GALNT18: variants seen among roughly 807,000 people sequenced by gnomAD.
GALNT18 encodes the protein polypeptide N-acetylgalactosaminyltransferase 18.
A neutral mutation model predicts 69.5 loss-of-function variants in GALNT18; 44 were observed. The observed-to-expected ratio is 0.63, with a 90% CI of 0.50 to 0.81. GALNT18 has a LOEUF of 0.81. Ranked by LOEUF, GALNT18 falls within the 40% of genes least tolerant of loss-of-function variation. GALNT18 has a pLI of 0.00. For missense variants in GALNT18, 715 were observed against 810.0 expected, an observed-to-expected ratio of 0.88 and a Z score of 1.42; for synonymous variants, 364 against 318.2, an observed-to-expected ratio of 1.14 and a Z score of -1.53.
chr11:11,461,597 C>G lies in GALNT18; in HGVS notation c.236-12661G>C, dbSNP rs979955605. Among the ~76,000 whole-genome samples, 1 of 152,220 alleles carries G rather than the reference C, an allele frequency of 6.6e-6. No homozygotes were observed. The highest frequency in any genetic ancestry group is 1.5e-5 in the Non-Finnish European group (1 of 68,044). ...CCGCCACCGAGCTGACAGCCCGGAG[C>G]TGACACCCGGACTTCTAAATATACA... On this transcript the variant is annotated intron_variant, in intron 1 of 10. Transcript: ENST00000227756. This position sits in a 1 kb window ranked among gnomAD's most constrained non-coding sequence, Gnocchi z 4.1.
Position 11,315,161 on chromosome 11 carries a change from G to A in GALNT18, c.1512+11925C>T, listed in dbSNP as rs774542582. Among the ~76,000 whole-genome samples the A allele has an allele frequency of 1.3e-5, 2 of 151,954 alleles. No individual in the cohort carries two copies. The highest frequency in any genetic ancestry group is 2.9e-5 in the Non-Finnish European group (2 of 68,002). On this transcript the variant is annotated intron_variant, in intron 9 of 10. Transcript: ENST00000227756. The surrounding 1 kb of genome is among the most constrained non-coding windows in gnomAD (Gnocchi z 5.6). ...AAAACAATATAACCCACAGTTAAAT[G>A]GTATTTCCTATGAACTAAGCTTTAA...
chr11:11,544,600 G>A (rs372714819), intron 1 of GALNT18, among the ~76,000 whole-genome samples: 2 of 152,286 alleles, frequency 1.3e-5, no homozygotes, highest in East Asian at 3.9e-4. Context: ...GAATGTGCAG[G>A]TTTGTTACAT....
chr11:11,452,670 G>A (rs889002039), intron 1 of GALNT18, among the ~76,000 whole-genome samples: 4 of 152,324 alleles, frequency 2.6e-5, no homozygotes, highest in African/African-American at 9.6e-5. Flanking sequence ...GACATAAGGG[G>A]GACAGGCAAA....
At position 11,358,772 on chromosome 11, in the gene GALNT18, T is replaced by A. The variant is rs1472235734; in HGVS notation, c.1092+13743A>T. On this transcript the variant is annotated intron_variant, in intron 6 of 10. Transcript: ENST00000227756. The stretch of plus-strand genomic sequence containing the variant: ...AGGATAATGCTAAAGGGATTCCAAT[T>A]CATGACACAATGATACAAAACAGTG... 1.5e-5 allele frequency among the ~76,000 whole-genome samples: 2 copies of A among 132,398 alleles called. 1 individual carries two copies. The highest frequency in any genetic ancestry group is 3.3e-5 in the Non-Finnish European group (2 of 60,276). The allele number at this position is 132,398 out of a possible 152,430, so 86.9% of individuals were successfully genotyped here.
intron 1 of GALNT18, among the ~76,000 whole-genome samples, chr11:11,522,491 G>C (rs1019839158): frequency 2.0e-5 from 3 of 152,130 alleles, no homozygotes; most frequent in Non-Finnish European, 4.4e-5. Flanking sequence ...GACAAGAGAT[G>C]AAGAATCATG....
At position 11,303,461 on chromosome 11, in the gene GALNT18, G is replaced by A. The variant is rs1849530511; in HGVS notation, c.1513-10268C>T. On this transcript the variant is annotated intron_variant, in intron 9 of 10. Coordinates refer to ENST00000227756, the MANE Select transcript of GALNT18 (RefSeq NM_198516.3). ...TACTTGTCACAAACCCTTGTCTCAG[G>A]ATCTGCTTCTAGAGAAACCTGACTC... Among the ~76,000 whole-genome samples, 2 of 152,122 alleles carry A rather than the reference G, an allele frequency of 1.3e-5. 1 individual carries two copies. Among genetic ancestry groups the A allele is most frequent in the South Asian group, 4.2e-4 (2 of 4,814 alleles).
rs374776856 is a variant in GALNT18 at position 11,421,319 on chromosome 11, G to A, written c.595+11302C>T. On this transcript the variant is annotated intron_variant, in intron 3 of 10. Transcript: ENST00000227756. This position sits in a 1 kb window ranked among gnomAD's most constrained non-coding sequence, Gnocchi z 5.6. ...CCCTGGGGCTGGTCCACAAAGAGGCGGGTGACTCAAGAGCTGATATACTTA... is the reference window on the plus strand; with the variant it reads ...CCCTGGGGCTGGTCCACAAAGAGGCAGGTGACTCAAGAGCTGATATACTTA... Among the ~76,000 whole-genome samples, 11 of 152,176 alleles carry A rather than the reference G, an allele frequency of 7.2e-5. No individual in the cohort carries two copies. The highest frequency in any genetic ancestry group is 4.2e-4 in the South Asian group (2 of 4,810).
rs373679966 is a variant in GALNT18, at chr11:11,505,451, G to A, written c.236-56515C>T. On this transcript the variant is annotated intron_variant, in intron 1 of 10. Coordinates refer to ENST00000227756, the MANE Select transcript of GALNT18 (RefSeq NM_198516.3). The surrounding 1 kb of genome is among the most constrained non-coding windows in gnomAD (Gnocchi z 4.6). ...CAGCAGATCCAAGTAATCAATCACA[G>A]CACTCTCTCCAGTGTCACCCAGAAA... is the stretch of plus-strand genomic sequence containing the variant. Among the ~76,000 whole-genome samples, 4 of 152,138 alleles carry A rather than the reference G, an allele frequency of 2.6e-5. No homozygotes were observed. Among genetic ancestry groups the A allele is most frequent in the African/African-American group, 9.7e-5 (4 of 41,428 alleles).
rs1385146152 is a variant in GALNT18, at chr11:11,524,462, C to T, written c.236-75526G>A. 2.6e-5 allele frequency among the ~76,000 whole-genome samples: 4 copies of T among 152,278 alleles called. No individual in the cohort carries two copies. In the East Asian group the frequency reaches 5.8e-4, roughly 22 times the overall value. ...ACACTGAGCTTGAACCTGTAACTTG[C>T]TGTGATCAATGGGATATGATATAAA... On this transcript the variant is annotated intron_variant, in intron 1 of 10. Transcript: ENST00000227756.
chr11:11,297,159 C>T lies in GALNT18; in HGVS notation c.1513-3966G>A, dbSNP rs145950762. ...GTGGCTGGTCTGGGATCCCACTCAA[C>T]ATCCTAAGTGCACAGGACAGCCCCC... On this transcript the variant is annotated intron_variant, in intron 9 of 10. Coordinates refer to ENST00000227756, the MANE Select transcript of GALNT18 (RefSeq NM_198516.3). Among the ~76,000 whole-genome samples the T allele has an allele frequency of 5.3e-5, 8 of 152,196 alleles. No homozygotes were observed. In the East Asian group the frequency reaches 1.5e-3, roughly 29 times the overall value.
At chr11:11,593,571 A>T (rs1375941005) in intron 1 of GALNT18, among the ~76,000 whole-genome samples, 1 of 152,168 alleles carries the variant, frequency 6.6e-6, no homozygotes, top group Non-Finnish European at 1.5e-5. Flanking sequence ...TAGCCAGACC[A>T]CATCTAATTT....
chr11:11,372,565 C>T lies in GALNT18; in HGVS notation c.1042G>A (p.Asp348Asn). 1 of 1,614,242 alleles carries T rather than the reference C, an allele frequency of 6.2e-7. No individual in the cohort carries two copies. Among genetic ancestry groups the T allele is most frequent in the East Asian group, 2.2e-5 (1 of 44,878 alleles). The change falls in exon 6 of 11, where the codon GAC (aspartate) becomes AAC (asparagine). Residue 348 changes from aspartate (D) to asparagine (N), a missense_variant. Asp to Asn is a conservative substitution (Grantham distance 23). Transcript: ENST00000227756. This position sits in a 1 kb window ranked among gnomAD's most constrained non-coding sequence, Gnocchi z 4.9. The part of the protein sequence containing the change: ...RQYFQEIGLL[D>N]EGMEVYGGEN... ...CCCCCGTAGACTTCCATGCCTTCGT[C>T]CAGCAGGCCGATCTCCTGGAAGTAC... is the stretch of plus-strand genomic sequence containing the variant.
At chr11:11,609,195 C>T (rs1433886715) in intron 1 of GALNT18, among the ~76,000 whole-genome samples, 1 of 152,204 alleles carries the variant, frequency 6.6e-6, no homozygotes, top group Non-Finnish European at 1.5e-5. Flanking sequence ...GGTAGCTCCC[C>T]AGTCCTTCCA....
At position 11,436,819 on chromosome 11, in the gene GALNT18, C is replaced by T. The variant is rs545936011; in HGVS notation, c.429-4032G>A. Among the ~76,000 whole-genome samples, 129 of 152,332 alleles carry T rather than the reference C, an allele frequency of 8.5e-4. No individual in the cohort carries two copies. The highest frequency in any genetic ancestry group is 1.4e-3 in the Non-Finnish European group (98 of 68,034). ...GAGGGCTTTGTGCTGTAGTCCAAGT[C>T]ACCTTGAAAAGAACACGCCTCCAAG... On this transcript the variant is annotated intron_variant, in intron 2 of 10. Coordinates refer to ENST00000227756, the MANE Select transcript of GALNT18 (RefSeq NM_198516.3). The surrounding 1 kb of genome is among the most constrained non-coding windows in gnomAD (Gnocchi z 4.5).
At position 11,541,800 on chromosome 11, in the gene GALNT18, G is replaced by A. The variant is rs145433877; in HGVS notation, c.235+79559C>T. On this transcript the variant is annotated intron_variant, in intron 1 of 10. Coordinates refer to ENST00000227756, the MANE Select transcript of GALNT18 (RefSeq NM_198516.3). The surrounding 1 kb of genome is among the most constrained non-coding windows in gnomAD (Gnocchi z 4.8). ...ACTACCCTCTCCTGGAACTTTCCACGTGAGCCTAGGGCACAAGCCAAGCCC... is the reference window on the plus strand; with the variant it reads ...ACTACCCTCTCCTGGAACTTTCCACATGAGCCTAGGGCACAAGCCAAGCCC... 1.5e-4 allele frequency among the ~76,000 whole-genome samples: 23 copies of A among 151,512 alleles called. No individual in the cohort carries two copies. The highest frequency in any genetic ancestry group is 2.5e-4 in the Non-Finnish European group (17 of 67,946).
chr11:11,314,226 A>G lies in GALNT18; in HGVS notation c.1512+12860T>C, dbSNP rs1435349392. 1.3e-5 allele frequency among the ~76,000 whole-genome samples: 2 copies of G among 152,144 alleles called. No homozygotes were observed. Among genetic ancestry groups the G allele is most frequent in the Non-Finnish European group, 2.9e-5 (2 of 68,030 alleles). ...CCCTCTCTGGTTAGTGAGTCTGAAC[A>G]TTGGTCCACTGTGGAGCTGCTAATG... On this transcript the variant is annotated intron_variant, in intron 9 of 10. Coordinates refer to ENST00000227756, the MANE Select transcript of GALNT18 (RefSeq NM_198516.3). This position sits in a 1 kb window ranked among gnomAD's most constrained non-coding sequence, Gnocchi z 5.2.
At chr11:11,288,614 C>A (rs185882591) in intron 10 of GALNT18, among the ~76,000 whole-genome samples, 1 of 152,120 alleles carries the variant, frequency 6.6e-6, no homozygotes, top group African/African-American at 2.4e-5. Flanking sequence ...TGATGAACGA[C>A]TAAAGGAAAG....
chr11:11,532,796 G>C (rs965335387), intron 1 of GALNT18, among the ~76,000 whole-genome samples: 6 of 152,216 alleles, frequency 3.9e-5, no homozygotes, highest in African/African-American at 1.4e-4. Flanking sequence ...TTGAGAATTG[G>C]AGCCTCAGAA....
chr11:11,409,580 C>T (rs1261277914), intron 3 of GALNT18, among the ~76,000 whole-genome samples: 3 of 152,046 alleles, frequency 2.0e-5, no homozygotes, highest in Admixed American at 6.6e-5. Context: ...AGATAACTCC[C>T]CGTATCCTCT....
Sources: allele counts gnomAD v4.1 joint callset (sites outside exome capture counted in the v4.1 genomes callset), GRCh38; gene constraint gnomAD v4.1.1; non-coding constraint Gnocchi (gnomAD v3.1); transcripts MANE v1.5; gene names NCBI Gene and HGNC (gene_info 2026-07-23, HGNC 2026-07-21).